ZFHX3: variants seen among roughly 807,000 people sequenced by gnomAD.
The protein encoded by ZFHX3 is zinc finger homeobox 3, also known as zinc finger homeobox protein 3.
ZFHX3 carries 42 observed loss-of-function variants against 279.1 expected under a neutral mutation model. The ratio of observed to expected loss-of-function variants is 0.15; its 90% CI spans 0.12 to 0.19. ZFHX3 has a LOEUF of 0.19. Ranked by LOEUF, ZFHX3 falls within the 10% of genes least tolerant of loss-of-function variation. The pLI is 1.00. For missense variants in ZFHX3, 4,981 were observed against 4,754.0 expected (o/e 1.05, Z -1.40); for synonymous variants, 2,293 against 1,957.8 (o/e 1.17, Z -4.52).
chr16:73,446,715 A>C (rs892093127), intron 3 of ZFHX3, among the ~76,000 whole-genome samples: 1 of 152,192 alleles, frequency 6.6e-6, no homozygotes, highest in African/African-American at 2.4e-5. Context: ...GGGGAACAAC[A>C]TATACTGGGG....
chr16:73,247,235 T>C (rs1195607788), intron 5 of ZFHX3, among the ~76,000 whole-genome samples: 1 of 152,086 alleles, frequency 6.6e-6, no homozygotes, highest in Non-Finnish European at 1.5e-5. Context: ...TGTGTGTCTA[T>C]GTACCTGTAT....
chr16:73,042,196 G>A (rs1050657786), intron 1 of ZFHX3, among the ~76,000 whole-genome samples: 1 of 152,152 alleles, frequency 6.6e-6, no homozygotes, highest in Middle Eastern at 3.2e-3. Context: ...GACTTTTTCA[G>A]GGGATGCAGG....
At chr16:73,569,101 T>C (rs1316226777) in intron 2 of ZFHX3, among the ~76,000 whole-genome samples, 1 of 152,198 alleles carries the variant, frequency 6.6e-6, no homozygotes, top group African/African-American at 2.4e-5. Context: ...GCCAGGGACC[T>C]TAGCATGTCT....
intron 3 of ZFHX3, chr16:73,402,571 G>A (rs1019012920): frequency 4.6e-5 from 7 of 152,188 alleles, no homozygotes; most frequent in African/African-American, 1.7e-4. Context: ...GACCAGGAAC[G>A]ACCTGTGGAC....
rs550582398 is a variant in ZFHX3 at position 73,202,545 on chromosome 16, G to C, written c.-1104+54502C>G. Among the ~76,000 whole-genome samples, 3 of 152,282 alleles carry C rather than the reference G, an allele frequency of 2.0e-5. No homozygotes were observed. The South Asian group carries it at 6.2e-4, about 32-fold the overall frequency. On this transcript the variant is annotated intron_variant, in intron 5 of 17. Coordinates refer to the ZFHX3 transcript ENST00000641206. Reference sequence around the variant, plus strand: ...GGAAGATGTTCGGGCTGCTGGAGTCGAAATGACTACACTGTAATGCTGAGA... The same window carrying C: ...GGAAGATGTTCGGGCTGCTGGAGTCCAAATGACTACACTGTAATGCTGAGA...
chr16:73,225,520 G>A (rs1377253704), intron 5 of ZFHX3, among the ~76,000 whole-genome samples: 1 of 152,154 alleles, frequency 6.6e-6, no homozygotes, highest in Non-Finnish European at 1.5e-5. Flanking sequence ...AGCCCGGGAG[G>A]TTGAGGCTGC....
At chr16:73,806,307 A>C (rs780124769) in intron 1 of ZFHX3, among the ~76,000 whole-genome samples, 2 of 152,210 alleles carry the variant, frequency 1.3e-5, no homozygotes, top group African/African-American at 4.8e-5. Context: ...GGCAAGAGCA[A>C]GTGCAAAGGC....
chr16:73,512,589 T>C (rs933524260), intron 2 of ZFHX3, among the ~76,000 whole-genome samples: 14 of 151,720 alleles, frequency 9.2e-5, no homozygotes, highest in Non-Finnish European at 2.1e-4. Context: ...AGGAGGCAGA[T>C]GGGCAAAGAA....
chr16:73,087,861 C>T (rs1308936151), intron 8 of ZFHX3, among the ~76,000 whole-genome samples: 1 of 151,190 alleles, frequency 6.6e-6, no homozygotes, highest in African/African-American at 2.4e-5. Flanking sequence ...GAGTCTCGCT[C>T]TTGTCATCCA....
At chr16:73,597,303 T>C (rs749420644) in intron 2 of ZFHX3, among the ~76,000 whole-genome samples, 4 of 152,214 alleles carry the variant, frequency 2.6e-5, no homozygotes, top group Non-Finnish European at 5.9e-5. Context: ...ATTTGGTCTG[T>C]ATATTTCTTA....
intron 3 of ZFHX3, among the ~76,000 whole-genome samples, chr16:73,365,066 A>G (rs979607063): frequency 2.0e-5 from 3 of 151,888 alleles, no homozygotes; most frequent in African/African-American, 7.3e-5. Context: ...GGCGAAGATC[A>G]CTGAGACGAT....
chr16:72,947,643 G>A (rs1436721656), intron 3 of ZFHX3, among the ~76,000 whole-genome samples: 2 of 152,206 alleles, frequency 1.3e-5, no homozygotes, highest in African/African-American at 2.4e-5. Context: ...ACTAGGTGCC[G>A]CGGAGAGCAG....
At position 73,146,195 on chromosome 16, in the gene ZFHX3, T is replaced by C. The variant is rs2144840231; in HGVS notation, c.-1103-2364A>G. Among the ~76,000 whole-genome samples, 2 of 152,204 alleles carry C rather than the reference T, an allele frequency of 1.3e-5. 1 individual carries two copies. The highest frequency in any genetic ancestry group is 4.2e-4 in the South Asian group (2 of 4,806). ...CTAGAATCCCAGCACTTTGGGAGGC[T>C]GAGATGGGCGGATCACAAGGTCAAG... On this transcript the variant is annotated intron_variant, in intron 5 of 17. Coordinates refer to the ZFHX3 transcript ENST00000641206.
intron 3 of ZFHX3, among the ~76,000 whole-genome samples, chr16:72,936,866 G>C (rs1353469718): frequency 1.3e-5 from 2 of 152,208 alleles, no homozygotes; most frequent in Non-Finnish European, 2.9e-5. Context: ...GGCAAGAGTA[G>C]AGGCGGGGGA....
At chr16:73,654,011 C>G (rs1246743220) in intron 2 of ZFHX3, among the ~76,000 whole-genome samples, 1 of 151,724 alleles carries the variant, frequency 6.6e-6, no homozygotes, top group African/African-American at 2.4e-5. Flanking sequence ...GGTGAAACCC[C>G]GTCTCTACTA....
At chr16:73,272,253 T>C (rs1452220222) in intron 4 of ZFHX3, among the ~76,000 whole-genome samples, 2 of 152,234 alleles carry the variant, frequency 1.3e-5, no homozygotes, top group Non-Finnish European at 2.9e-5. Flanking sequence ...GCAGATTTTT[T>C]TAAATGACTT....
chr16:73,517,941 T>C (rs1251957723), intron 2 of ZFHX3, among the ~76,000 whole-genome samples: 4 of 152,250 alleles, frequency 2.6e-5, no homozygotes, highest in African/African-American at 9.6e-5. Flanking sequence ...TTTAATAATG[T>C]GTTTTATTAT....
chr16:72,892,037 TG>T (rs1268585505), intron 3 of ZFHX3, among the ~76,000 whole-genome samples: 1 of 152,190 alleles, frequency 6.6e-6, no homozygotes, highest in Non-Finnish European at 1.5e-5. Context: ...AATACCAGAG[TG>T]GCCCTGTGAG....
chr16:72,874,841 T>C (rs958206524), intron 4 of ZFHX3, among the ~76,000 whole-genome samples: 1 of 152,202 alleles, frequency 6.6e-6, no homozygotes, highest in Non-Finnish European at 1.5e-5. Context: ...GATCTATAGC[T>C]GAGTGGTGTG....
Sources: gnomAD v4.1 joint callset for allele counts (sites outside exome capture counted in the v4.1 genomes callset) on GRCh38, gnomAD v4.1.1 for gene constraint, MANE v1.5 for transcripts, NCBI Gene and HGNC (gene_info 2026-07-23, HGNC 2026-07-21) for gene names.